RORB: variants seen among roughly 807,000 people sequenced by gnomAD.
RORB encodes RAR related orphan receptor B.
RORB carries 6 observed loss-of-function variants against 59.1 expected under a neutral mutation model. The observed-to-expected ratio is 0.10, with a 90% CI of 0.06 to 0.20. The LOEUF is 0.20. RORB is among the 10% of genes least tolerant of loss of function. The pLI, the probability that RORB is intolerant of heterozygous loss-of-function variation, is 1.00. For synonymous variants in RORB, 215 were observed against 204.5 expected, an observed-to-expected ratio of 1.05 and a Z score of -0.44; for missense variants, 320 against 560.5, an observed-to-expected ratio of 0.57 and a Z score of 4.33.
At chr9:74,679,992 A>G (rs1228887312) in intron 9 of RORB, among the ~76,000 whole-genome samples, 2 of 152,024 alleles carry the variant, frequency 1.3e-5, no homozygotes, top group Non-Finnish European at 2.9e-5. Flanking sequence ...AGTCCCAGCT[A>G]CTCGGGAAGC....
At chr9:74,506,594 A>G (rs1825874187) in intron 1 of RORB, among the ~76,000 whole-genome samples, 1 of 152,134 alleles carries the variant, frequency 6.6e-6, no homozygotes, top group South Asian at 2.1e-4. Context: ...ACTCTGAAAC[A>G]CTGGTAAGAT....
chr9:74,602,840 GTAT>G (rs1267986681), intron 1 of RORB, among the ~76,000 whole-genome samples: 2 of 152,060 alleles, frequency 1.3e-5, no homozygotes, highest in Non-Finnish European at 2.9e-5. Flanking sequence ...TAAATATAAA[GTAT>G]TATTATTTAT....
At chr9:74,678,994 T>C (rs1370754006) in intron 9 of RORB, among the ~76,000 whole-genome samples, 4 of 143,832 alleles carry the variant, frequency 2.8e-5, no homozygotes, top group Non-Finnish European at 6.0e-5. Flanking sequence ...ATCACACCAC[T>C]GAACTCCAGC....
chr9:74,597,761 C>G (rs1822991611), intron 1 of RORB, among the ~76,000 whole-genome samples: 1 of 152,076 alleles, frequency 6.6e-6, no homozygotes, highest in African/African-American at 2.4e-5. Flanking sequence ...GAGTTCGAGA[C>G]CAGCCTGACC....
At chr9:74,557,525 G>A (rs1273416115) in intron 1 of RORB, among the ~76,000 whole-genome samples, 1 of 152,110 alleles carries the variant, frequency 6.6e-6, no homozygotes, top group Non-Finnish European at 1.5e-5. Flanking sequence ...GCCAATTTGA[G>A]TCAGGAGTTC....
chr9:74,524,003 C>CTTTTTT (rs10666385), intron 1 of RORB, among the ~76,000 whole-genome samples: 1 of 124,264 alleles, frequency 8.0e-6, no homozygotes, highest in Non-Finnish European at 1.6e-5. Flanking sequence ...TCAACGACAC[C>CTTTTTT]TTTTTTTTTT....
chr9:74,514,091 G>A (rs553250856), intron 1 of RORB, among the ~76,000 whole-genome samples: 26 of 152,030 alleles, frequency 1.7e-4, no homozygotes, highest in Non-Finnish European at 3.4e-4. Flanking sequence ...TTCATTCTTC[G>A]TTAACTTTTC....
intron 1 of RORB, among the ~76,000 whole-genome samples, chr9:74,506,491 C>T (rs1320257305): frequency 6.6e-6 from 1 of 152,068 alleles, no homozygotes; most frequent in Non-Finnish European, 1.5e-5. Context: ...AGTTAAAGCT[C>T]AGTCATTTTG....
At chr9:74,648,788 G>A (rs1290580210) in intron 4 of RORB, among the ~76,000 whole-genome samples, 1 of 152,226 alleles carries the variant, frequency 6.6e-6, no homozygotes, top group Non-Finnish European at 1.5e-5. Flanking sequence ...GCAGCTCAAG[G>A]AAAGGGTAGT....
intron 1 of RORB, among the ~76,000 whole-genome samples, chr9:74,550,824 CT>C (rs1300242382): frequency 1.3e-5 from 2 of 152,198 alleles, no homozygotes; most frequent in East Asian, 1.9e-4. Flanking sequence ...GCACCACTAG[CT>C]GTTGAGCAGT....
intron 1 of RORB, among the ~76,000 whole-genome samples, chr9:74,499,447 G>C (rs1825774319): frequency 6.6e-6 from 1 of 152,180 alleles, no homozygotes; most frequent in African/African-American, 2.4e-5. Flanking sequence ...GTCAGGAAAG[G>C]GAAGGAGAAG....
intron 1 of RORB, among the ~76,000 whole-genome samples, chr9:74,516,474 C>T (rs968818819): frequency 3.9e-5 from 6 of 151,920 alleles, no homozygotes; most frequent in African/African-American, 1.4e-4. Flanking sequence ...TTGAGAGATG[C>T]TGAAATGTCA....
chr9:74,499,605 TG>T (rs1424942546), intron 1 of RORB, among the ~76,000 whole-genome samples: 1 of 152,286 alleles, frequency 6.6e-6, no homozygotes, highest in East Asian at 1.9e-4. Context: ...TTGTCCCGGT[TG>T]GGGGTTGGTT....
At chr9:74,654,752 T>G (rs1031528834) in intron 4 of RORB, among the ~76,000 whole-genome samples, 1 of 152,222 alleles carries the variant, frequency 6.6e-6, no homozygotes, top group African/African-American at 2.4e-5. Flanking sequence ...TTATAAATTC[T>G]GTTAATTGAA....
intron 1 of RORB, among the ~76,000 whole-genome samples, chr9:74,536,348 G>A (rs1279717424): frequency 6.6e-6 from 1 of 151,874 alleles, no homozygotes. Context: ...AGAGGTAGTA[G>A]AAGAGGAAGA....
At chr9:74,675,300 T>TG (rs1824419013) in intron 9 of RORB, among the ~76,000 whole-genome samples, 1 of 117,020 alleles carries the variant, frequency 8.5e-6, no homozygotes, top group African/African-American at 3.4e-5. Context: ...CTAAAGCTCA[T>TG]GAAAAAAAAA....
intron 4 of RORB, among the ~76,000 whole-genome samples, chr9:74,656,947 T>C (rs960382880): frequency 6.6e-6 from 1 of 152,214 alleles, no homozygotes; most frequent in Admixed American, 6.5e-5. Context: ...ATCTCCTCCA[T>C]GCACCCTGTG....
intron 9 of RORB, among the ~76,000 whole-genome samples, chr9:74,674,549 A>G (rs1824402816): frequency 6.6e-6 from 1 of 152,106 alleles, no homozygotes; most frequent in African/African-American, 2.4e-5. Flanking sequence ...ACTGAACTTC[A>G]TCTTGCAAGG....
intron 1 of RORB, among the ~76,000 whole-genome samples, chr9:74,595,587 G>A (rs932671093): frequency 2.6e-5 from 4 of 152,292 alleles, no homozygotes; most frequent in East Asian, 1.9e-4. Flanking sequence ...AAGATTTCAG[G>A]TGGAGCAATT....
Sources: gnomAD v4.1 joint callset for allele counts (sites outside exome capture counted in the v4.1 genomes callset) on GRCh38, gnomAD v4.1.1 for gene constraint, MANE v1.5 for transcripts, NCBI Gene and HGNC (gene_info 2026-07-23, HGNC 2026-07-21) for gene names.